The following SSTR2 variants were observed in gnomAD, a reference collection of about 807,000 sequenced individuals.
SSTR2 encodes the protein somatostatin receptor 2, also known as somatostatin receptor type 2.
Under a neutral mutation model 21.4 loss-of-function variants are expected in SSTR2, and 10 were observed. The observed-to-expected ratio is 0.47, with a 90% CI of 0.29 to 0.79. The LOEUF (loss-of-function observed/expected upper bound fraction) is 0.79. Ranked by LOEUF, SSTR2 falls within the 30% of genes least tolerant of loss-of-function variation. The probability of loss-of-function intolerance (pLI) is 0.10; values close to 1 mark genes in which losing one functional copy is unlikely to be tolerated. For synonymous variants in SSTR2, 177 were observed against 181.3 expected, an observed-to-expected ratio of 0.98 and a Z score of 0.19; for missense variants, 364 against 468.8, an observed-to-expected ratio of 0.78 and a Z score of 2.06.
chr17:73,170,449 A>G lies in SSTR2; in HGVS notation c.*20A>G. ...ATCTGAACTGCTTGGGGGGTGGGAAAGAACCAAGCCATGCTCTGTCTACTG... is the reference window on the plus strand; with the variant it reads ...ATCTGAACTGCTTGGGGGGTGGGAAGGAACCAAGCCATGCTCTGTCTACTG... On this transcript the variant is annotated 3_prime_UTR_variant, in exon 2 of 2. Coordinates refer to ENST00000357585, the MANE Select transcript of SSTR2 (RefSeq NM_001050.3). The G allele has an allele frequency of 6.2e-7, 1 of 1,605,672 alleles. No individual in the cohort carries two copies.
Position 73,169,572 on chromosome 17 carries a change from C to A in SSTR2, c.253C>A (p.Leu85Met). 6.2e-7 allele frequency: 1 copy of A among 1,614,288 alleles called. No homozygotes were observed. Among genetic ancestry groups the A allele is most frequent in the Admixed American group, 1.7e-5 (1 of 60,034 alleles). Reference protein sequence around the residue: ...KTITNIYILNLAIADELFMLG... With the variant: ...KTITNIYILNMAIADELFMLG... Reference sequence around the variant, plus strand: ...CATCACCAACATTTACATCCTCAACCTGGCCATCGCAGATGAGCTCTTCAT... The same window carrying A: ...CATCACCAACATTTACATCCTCAACATGGCCATCGCAGATGAGCTCTTCAT... Residue 85 changes from leucine to methionine, a missense_variant, in exon 2 of 2, where the codon CTG (leucine) becomes ATG (methionine). Transcript: ENST00000357585. The surrounding 1 kb of genome is among the most constrained non-coding windows in gnomAD (Gnocchi z 5.2).
rs2061241648 is a variant in SSTR2 at position 73,173,638 on chromosome 17, A to G, written c.*3209A>G. 6.6e-6 allele frequency: 1 copy of G among 152,206 alleles called. No individual in the cohort carries two copies. Among genetic ancestry groups the G allele is most frequent in the Non-Finnish European group, 1.5e-5 (1 of 68,036 alleles). The allele number at this position is 152,206 out of a possible 1,614,324, so 9.4% of individuals were successfully genotyped here. A position where few individuals can be genotyped will look rare whatever the true frequency, so the allele number is the denominator to read the frequency against. On this transcript the variant is annotated 3_prime_UTR_variant, in exon 2 of 2. Transcript: ENST00000357585. ...GAATAAAAAGTAATGCACCCCATTG[A>G]TTTCAGAGTATCTGATCACTTGGGT...
intron 1 of SSTR2, among the ~76,000 whole-genome samples, chr17:73,168,800 A>C (rs938956566): frequency 6.6e-6 from 1 of 152,112 alleles, no homozygotes; most frequent in South Asian, 2.1e-4. Flanking sequence ...CCACTATGGC[A>C]TTTTCAGAAT....
At chr17:73,166,325 G>A (rs2061216212) in intron 1 of SSTR2, among the ~76,000 whole-genome samples, 1 of 152,146 alleles carries the variant, frequency 6.6e-6, no homozygotes, top group African/African-American at 2.4e-5. Context: ...AAGTGAATGC[G>A]GGAAACATGA....
intron 1 of SSTR2, among the ~76,000 whole-genome samples, chr17:73,165,744 G>A (rs909226279): frequency 7.3e-5 from 11 of 151,672 alleles, no homozygotes; most frequent in Non-Finnish European, 1.0e-4. Context: ...CAGGCGGCGG[G>A]CGCAGAGCGG....
Position 73,170,086 on chromosome 17 carries a change from G to A in SSTR2, c.767G>A (p.Arg256Gln), listed in dbSNP as rs1300345937. The A allele has an allele frequency of 9.3e-6, 15 of 1,614,016 alleles. No individual in the cohort carries two copies. Among genetic ancestry groups the A allele is most frequent in the Admixed American group, 1.7e-5 (1 of 59,994 alleles). ...AAGAAGTCTGAGAAGAAGGTCACCC[G>A]AATGGTGTCCATCGTGGTGGCTGTC... Reference protein sequence around the residue: ...KRKKSEKKVTRMVSIVVAVFI... With the variant: ...KRKKSEKKVTQMVSIVVAVFI... The change falls in exon 2 of 2, where the codon CGA becomes CAA. Residue 256 changes from arginine (R) to glutamine (Q), a missense_variant. Arg to Gln is a conservative substitution (Grantham distance 43). Around this residue, in one of 4 missense-constraint regions of SSTR2, gnomAD observed 193 missense variants for 273.1 expected, o/e 0.71. Coordinates refer to ENST00000357585, the MANE Select transcript of SSTR2 (RefSeq NM_001050.3).
chr17:73,165,580 G>A (rs998541267), intron 1 of SSTR2, among the ~76,000 whole-genome samples: 1 of 152,022 alleles, frequency 6.6e-6, no homozygotes, highest in Admixed American at 6.5e-5. Context: ...TGCGTGGCGT[G>A]TGCCCTTTAG....
Position 73,170,138 on chromosome 17 carries a change from C to G in SSTR2, c.819C>G (p.Tyr273Ter). ...AVFIFCWLPF[Y>*]IFNVSSVSMA... Reference sequence around the variant, plus strand: ...TCATCTTCTGCTGGCTTCCCTTCTACATATTCAACGTTTCTTCCGTCTCCA... The same window carrying G: ...TCATCTTCTGCTGGCTTCCCTTCTAGATATTCAACGTTTCTTCCGTCTCCA... The change falls in exon 2 of 2, where the codon TAC becomes TAG. Residue 273 changes from tyrosine to a stop codon, truncating the protein, a stop_gained. Coordinates refer to ENST00000357585, the MANE Select transcript of SSTR2 (RefSeq NM_001050.3). LOFTEE classifies it high-confidence loss of function. 1 of 1,614,198 alleles carries G rather than the reference C, an allele frequency of 6.2e-7. No homozygotes were observed. Among genetic ancestry groups the G allele is most frequent in the Non-Finnish European group, 8.5e-7 (1 of 1,180,038 alleles).
rs897744890 is a variant in SSTR2 at position 73,170,102 on chromosome 17, G to A, written c.783G>A (p.Val261=). The change falls in exon 2 of 2, where the codon GTG becomes GTA. Residue 261 remains valine, a synonymous_variant. Transcript: ENST00000357585. The part of the protein sequence containing the change: ...EKKVTRMVSI[V]VAVFIFCWLP... ...AGGTCACCCGAATGGTGTCCATCGT[G>A]GTGGCTGTCTTCATCTTCTGCTGGC... 8.7e-6 allele frequency: 14 copies of A among 1,614,044 alleles called. No homozygotes were observed. The highest frequency in any genetic ancestry group is 1.2e-5 in the Non-Finnish European group (14 of 1,180,040).
chr17:73,174,907 CTGTTT>C lies in SSTR2; in HGVS notation c.*4480_*4484del, dbSNP rs2061245113. The C allele has an allele frequency of 6.5e-6, 1 of 152,882 alleles. No homozygotes were observed. Among genetic ancestry groups the C allele is most frequent in the African/African-American group, 2.4e-5 (1 of 41,542 alleles). 9.5% of individuals were successfully genotyped at this position (152,882 alleles called of 1,614,324 possible). A position where few individuals can be genotyped will look rare whatever the true frequency, so the allele number is the denominator to read the frequency against. Reference sequence around the variant, plus strand: ...TGTAGAACAGCTCAAAATATCAGTTCTGTTTTAAGTAACAGAATTGATAACTGAGC... The same window carrying C: ...TGTAGAACAGCTCAAAATATCAGTTCTAAGTAACAGAATTGATAACTGAGC... On this transcript the variant is annotated 3_prime_UTR_variant, in exon 2 of 2. Coordinates refer to ENST00000357585, the MANE Select transcript of SSTR2 (RefSeq NM_001050.3).
intron 1 of SSTR2, among the ~76,000 whole-genome samples, chr17:73,165,956 C>CA: frequency 6.7e-6 from 1 of 149,540 alleles, no homozygotes; most frequent in Non-Finnish European, 1.5e-5. Flanking sequence ...CCCCCCCACA[C>CA]CCGGCACCCC....
Position 73,174,758 on chromosome 17 carries a change from C to T in SSTR2, c.*4329C>T, listed in dbSNP as rs986074098. ...CCTGTTGATTTAAAAACAACAACAA[C>T]AAAAACCCATAAAAATAGTAAAATA... On this transcript the variant is annotated 3_prime_UTR_variant, in exon 2 of 2. Transcript: ENST00000357585. 3 of 152,368 alleles carry T rather than the reference C, an allele frequency of 2.0e-5. No homozygotes were observed. Among genetic ancestry groups the T allele is most frequent in the Non-Finnish European group, 4.4e-5 (3 of 68,004 alleles). The allele number at this position is 152,368 out of a possible 1,614,324, so 9.4% of individuals were successfully genotyped here.
chr17:73,168,313 C>T (rs1256554195), intron 1 of SSTR2, among the ~76,000 whole-genome samples: 1 of 152,192 alleles, frequency 6.6e-6, no homozygotes, highest in Non-Finnish European at 1.5e-5. Context: ...ACCTGCTTCC[C>T]GTTTTTGTCC....
chr17:73,175,831 GAT>G lies in SSTR2; in HGVS notation c.*5404_*5405del, dbSNP rs1162068817. ...AGCCACCTTCGACGAAATCTGAAATGATACCCCACAGCCTTGTCCACCCCAAT... is the reference window on the plus strand; with the variant it reads ...AGCCACCTTCGACGAAATCTGAAATGACCCCACAGCCTTGTCCACCCCAAT... On this transcript the variant is annotated 3_prime_UTR_variant, in exon 2 of 2. Coordinates refer to ENST00000357585, the MANE Select transcript of SSTR2 (RefSeq NM_001050.3). 2.6e-5 allele frequency: 4 copies of G among 152,210 alleles called. No individual in the cohort carries two copies. Among genetic ancestry groups the G allele is most frequent in the Admixed American group, 2.6e-4 (4 of 15,286 alleles). The allele number at this position is 152,210 out of a possible 1,614,324, so 9.4% of individuals were successfully genotyped here. A position where few individuals can be genotyped will look rare whatever the true frequency, so the allele number is the denominator to read the frequency against.
rs779626588 is a variant in SSTR2, at chr17:73,170,157, G to A, written c.838G>A (p.Val280Ile). The A allele has an allele frequency of 2.4e-5, 39 of 1,613,876 alleles. No homozygotes were observed. Among genetic ancestry groups the A allele is most frequent in the East Asian group, 6.7e-5 (3 of 44,870 alleles). Residue 280 changes from valine (V) to isoleucine (I), a missense_variant, in exon 2 of 2, where the codon GTC becomes ATC. Physicochemically the swap from Val to Ile is conservative, Grantham distance 29 (BLOSUM62 3). Transcript: ENST00000357585. ...CTTCTACATATTCAACGTTTCTTCC[G>A]TCTCCATGGCCATCAGCCCCACCCC... Reference protein sequence around the residue: ...LPFYIFNVSSVSMAISPTPAL... With the variant: ...LPFYIFNVSSISMAISPTPAL...
At position 73,171,867 on chromosome 17, in the gene SSTR2, GCTGAGATTGTGCCACTGCACTCTAGC is replaced by G. The variant is rs2061236303; in HGVS notation, c.*1444_*1469del. On this transcript the variant is annotated 3_prime_UTR_variant, in exon 2 of 2. Transcript: ENST00000357585. ...ACTTGGGAGGTGGAGGTTGCAGTAAGCTGAGATTGTGCCACTGCACTCTAGCCTGAGCAACAAGAGCAAAACTCAGT... is the reference window on the plus strand; with the variant it reads ...ACTTGGGAGGTGGAGGTTGCAGTAAGCTGAGCAACAAGAGCAAAACTCAGT... 8.1e-6 allele frequency: 1 copy of G among 123,884 alleles called. No individual in the cohort carries two copies. The highest frequency in any genetic ancestry group is 1.6e-5 in the Non-Finnish European group (1 of 63,426). 7.7% of individuals were successfully genotyped at this position (123,884 alleles called of 1,614,324 possible).
rs1298492249 is a variant in SSTR2 at position 73,170,407 on chromosome 17, G to C, written c.1088G>C (p.Gly363Ala). 6.2e-7 allele frequency: 1 copy of C among 1,613,598 alleles called. No individual in the cohort carries two copies. ...GAGACCCAGAGGACCCTCCTCAATGGAGACCTCCAAACCAGTATCTGAACT... is the reference window on the plus strand; with the variant it reads ...GAGACCCAGAGGACCCTCCTCAATGCAGACCTCCAAACCAGTATCTGAACT... ...TTETQRTLLN[G>A]DLQTSI The change falls in exon 2 of 2, where the codon GGA (glycine) becomes GCA (alanine). Residue 363 changes from glycine to alanine, a missense_variant. Coordinates refer to ENST00000357585, the MANE Select transcript of SSTR2 (RefSeq NM_001050.3).
At position 73,169,870 on chromosome 17, in the gene SSTR2, G is replaced by A. The variant is rs148943624; in HGVS notation, c.551G>A (p.Arg184Gln). The change falls in exon 2 of 2, where the codon CGG becomes CAG. Residue 184 changes from arginine (R) to glutamine (Q), a missense_variant. Around this residue, in one of 4 missense-constraint regions of SSTR2, gnomAD observed 193 missense variants for 273.1 expected, o/e 0.71. Transcript: ENST00000357585. This position sits in a 1 kb window ranked among gnomAD's most constrained non-coding sequence, Gnocchi z 5.2. ...ILPIMIYAGL[R>Q]SNQWGRSSCT... ...CCCATCATGATATATGCTGGGCTCC[G>A]GAGCAACCAGTGGGGGAGAAGCAGC... 1.1e-5 allele frequency: 18 copies of A among 1,612,758 alleles called. No individual in the cohort carries two copies. Among genetic ancestry groups the A allele is most frequent in the East Asian group, 2.2e-5 (1 of 44,848 alleles).
chr17:73,169,497 G>C lies in SSTR2; in HGVS notation c.178G>C (p.Gly60Arg), dbSNP rs1295605444. 1.9e-6 allele frequency: 3 copies of C among 1,614,260 alleles called. No individual in the cohort carries two copies. The highest frequency in any genetic ancestry group is 2.5e-6 in the Non-Finnish European group (3 of 1,180,050). The change falls in exon 2 of 2, where the codon GGC (glycine) becomes CGC (arginine). Residue 60 changes from glycine to arginine, a missense_variant. Gly to Arg is a moderately radical substitution (Grantham distance 125, BLOSUM62 -2). Transcript: ENST00000357585. The surrounding 1 kb of genome is among the most constrained non-coding windows in gnomAD (Gnocchi z 5.2). ...TGTGGTCTGCATCATTGGGTTGTGT[G>C]GCAACACACTTGTCATTTATGTCAT... Reference protein sequence around the residue: ...YFVVCIIGLCGNTLVIYVILR... With the variant: ...YFVVCIIGLCRNTLVIYVILR...
Sources: allele counts gnomAD v4.1 joint callset (sites outside exome capture counted in the v4.1 genomes callset), GRCh38; gene constraint gnomAD v4.1.1; regional missense constraint gnomAD v4.1.1; non-coding constraint Gnocchi (gnomAD v3.1); transcripts MANE v1.5; gene names NCBI Gene and HGNC (gene_info 2026-07-23, HGNC 2026-07-21).